Variants in MAST3 observed in about 807,000 individuals in gnomAD.
MAST3 encodes microtubule associated serine/threonine kinase 3.
In MAST3, 43 loss-of-function variants were observed where a neutral mutation model predicts 127.0. The ratio of observed to expected loss-of-function variants is 0.34; its 90% CI spans 0.27 to 0.44. The LOEUF (loss-of-function observed/expected upper bound fraction) is 0.44. Ranked by LOEUF, MAST3 falls within the 20% of genes least tolerant of loss-of-function variation. The pLI, the probability that MAST3 is intolerant of heterozygous loss-of-function variation, is 1.00. For missense variants in MAST3, 1,390 were observed against 1,919.1 expected (o/e 0.72, Z 5.15); for synonymous variants, 785 against 809.2 (o/e 0.97, Z 0.51).
intron 3 of MAST3, among the ~76,000 whole-genome samples, chr19:18,115,691 C>T (rs1050082137): frequency 3.9e-5 from 6 of 152,162 alleles, no homozygotes; most frequent in African/African-American, 9.7e-5. Context: ...TCCCAGACAC[C>T]GTCCCAGACC....
In MAST3 at chr19:18,144,385, C is replaced by T; in HGVS notation, c.2585-81C>T. 1 of 1,209,918 alleles carries T rather than the reference C, an allele frequency of 8.3e-7. No homozygotes were observed. The highest frequency in any genetic ancestry group is 1.2e-6 in the Non-Finnish European group (1 of 850,220). 74.9% of individuals were successfully genotyped at this position (1,209,918 alleles called of 1,614,324 possible). ...GAGGCTGGACTGTGTAAATAGTGAC[C>T]AGGGAGGAAGGGCCTTAAGGTCCCT... is the stretch of plus-strand genomic sequence containing the variant. On this transcript the variant is annotated intron_variant, in intron 22 of 27. Coordinates refer to ENST00000687212, the MANE Select transcript of MAST3 (RefSeq NM_001393504.1). This position sits in a 1 kb window ranked among gnomAD's most constrained non-coding sequence, Gnocchi z 4.0.
chr19:18,138,934 A>T, intron 19 of MAST3, 81 bp from the exon 20 acceptor site: 1 of 938,320 alleles, frequency 1.1e-6, no homozygotes, highest in Non-Finnish European at 1.7e-6. Flanking sequence ...CTATCCTGAG[A>T]TGCCCTCCCC....
chr19:18,137,178 G>C, intron 18 of MAST3, 61 bp from the exon 19 acceptor site: 2 of 1,584,604 alleles, frequency 1.3e-6, no homozygotes, highest in Non-Finnish European at 1.7e-6. Flanking sequence ...AGTGGGGGTA[G>C]GGGGGCATCC....
chr19:18,107,595 G>A lies in MAST3; in HGVS notation c.48G>A (p.Leu16=). ...LLRRRGLQKE[L]SLPRRGRGLS... ...TTTCTGTCTCATTGCAGAAGGAGCT[G>A]AGCCTGCCACGCCGAGGACGTGGGT... Residue 16 remains leucine (L), a synonymous_variant, in exon 2 of 28, where the codon CTG becomes CTA. Coordinates refer to ENST00000687212, the MANE Select transcript of MAST3 (RefSeq NM_001393504.1). 1 of 1,613,326 alleles carries A rather than the reference G, an allele frequency of 6.2e-7. No individual in the cohort carries two copies. Among genetic ancestry groups the A allele is most frequent in the Non-Finnish European group, 8.5e-7 (1 of 1,179,624 alleles).
chr19:18,139,820 T>TTC (rs1296626053), intron 20 of MAST3, among the ~76,000 whole-genome samples: 2 of 149,970 alleles, frequency 1.3e-5, no homozygotes, highest in African/African-American at 2.4e-5. Flanking sequence ...CATTTTTTTT[T>TTC]TTTCTTTTTT....
In MAST3 at chr19:18,128,867, G is replaced by A; in HGVS notation, c.1139G>A (p.Ser380Asn). Reference sequence around the variant, plus strand: ...CCCTAAGCCCTTCCCATCCCCTAGAGCCGCGCCCTGGTCGGCCAGTCACGG... The same window carrying A: ...CCCTAAGCCCTTCCCATCCCCTAGAACCGCGCCCTGGTCGGCCAGTCACGG... ...EQPPAPESPESRALVGQSRRK... is the reference protein window; with the variant it reads ...EQPPAPESPENRALVGQSRRK... The change falls in exon 13 of 28, where the codon AGC becomes AAC. Residue 380 changes from serine to asparagine, a missense_variant and splice_region_variant. Ser to Asn is a conservative substitution (Grantham distance 46, BLOSUM62 1). Around this residue, in one of 5 missense-constraint regions of MAST3, gnomAD observed 277 missense variants for 384.8 expected, o/e 0.72. Coordinates refer to ENST00000687212, the MANE Select transcript of MAST3 (RefSeq NM_001393504.1). 2 of 1,613,092 alleles carry A rather than the reference G, an allele frequency of 1.2e-6. No individual in the cohort carries two copies. The highest frequency in any genetic ancestry group is 1.7e-6 in the Non-Finnish European group (2 of 1,179,754).
At position 18,149,440 on chromosome 19, in the gene MAST3, C is replaced by A. The variant is rs1568621588; in HGVS notation, c.3758C>A (p.Ser1253Tyr). The change falls in exon 28 of 28, where the codon TCC (serine) becomes TAC (tyrosine). Residue 1253 changes from serine to tyrosine, a missense_variant. Physicochemically the swap from Ser to Tyr is moderately radical, Grantham distance 144. Transcript: ENST00000687212. The surrounding 1 kb of genome is among the most constrained non-coding windows in gnomAD (Gnocchi z 5.9). ...LPGHPPAPAR[S>Y]PRLRRGQSAD... ...GGGCACCCGCCCGCACCTGCCCGAT[C>A]CCCGCGGCTGCGCCGGGGCCAGTCA... The A allele has an allele frequency of 2.0e-6, 3 of 1,520,490 alleles. No individual in the cohort carries two copies. Among genetic ancestry groups the A allele is most frequent in the Non-Finnish European group, 2.6e-6 (3 of 1,137,360 alleles). The allele number at this position is 1,520,490 out of a possible 1,614,324, so 94.2% of individuals were successfully genotyped here.
At chr19:18,118,494 C>A (rs558599725) in intron 3 of MAST3, among the ~76,000 whole-genome samples, 1 of 152,110 alleles carries the variant, frequency 6.6e-6, no homozygotes, top group Non-Finnish European at 1.5e-5. Flanking sequence ...TGGTGACAGA[C>A]AGGAGTGAGT....
Position 18,134,875 on chromosome 19 carries a change from AGCCAGTG to A in MAST3, c.1765_1771del (p.Pro589ThrfsTer73). 1 of 1,613,984 alleles carries A rather than the reference AGCCAGTG, an allele frequency of 6.2e-7. No homozygotes were observed. On this transcript the variant is annotated frameshift_variant, in exon 17 of 28. Coordinates refer to ENST00000687212, the MANE Select transcript of MAST3 (RefSeq NM_001393504.1). LOFTEE classifies it high-confidence loss of function. ...GTGATCTTCCGCCAGGGCTATGGGA[AGCCAGTG>A]GACTGGTGGGCCATGGGCGTCGTCC...
chr19:18,101,535 G>A (rs1475595418), intron 1 of MAST3, among the ~76,000 whole-genome samples: 1 of 152,092 alleles, frequency 6.6e-6, no homozygotes, highest in Non-Finnish European at 1.5e-5. Context: ...GGCATGGACT[G>A]GTGTTTTCCA....
chr19:18,149,270 C>A lies in MAST3; in HGVS notation c.3588C>A (p.Pro1196=). 6.4e-7 allele frequency: 1 copy of A among 1,552,624 alleles called. No individual in the cohort carries two copies. The change falls in exon 28 of 28, where the codon CCC becomes CCA. Residue 1196 remains proline (P), a synonymous_variant. Coordinates refer to ENST00000687212, the MANE Select transcript of MAST3 (RefSeq NM_001393504.1). The surrounding 1 kb of genome is among the most constrained non-coding windows in gnomAD (Gnocchi z 5.9). ...ASPAAAGHTR[P]SSLHGLAAKL... Reference sequence around the variant, plus strand: ...CAGCTGCTGCTGGCCACACCCGCCCCAGCTCCCTGCACGGCCTGGCTGCCA... The same window carrying A: ...CAGCTGCTGCTGGCCACACCCGCCCAAGCTCCCTGCACGGCCTGGCTGCCA...
rs1024252094 is a variant in MAST3 at position 18,110,756 on chromosome 19, G to T, written c.161+15G>T. 1.6e-5 allele frequency: 16 copies of T among 981,764 alleles called. No homozygotes were observed. The highest frequency in any genetic ancestry group is 3.5e-5 in the African/African-American group (2 of 57,142). The allele number at this position is 981,764 out of a possible 1,614,324, so 60.8% of individuals were successfully genotyped here. A position where few individuals can be genotyped will look rare whatever the true frequency, so the allele number is the denominator to read the frequency against. ...CACCCCTGGAGGTAAGTGACAGCGCGTGTGGGCGGGGCGCAGACATCGCCC... is the reference window on the plus strand; with the variant it reads ...CACCCCTGGAGGTAAGTGACAGCGCTTGTGGGCGGGGCGCAGACATCGCCC... On this transcript the variant is annotated intron_variant, in intron 3 of 27. Coordinates refer to ENST00000687212, the MANE Select transcript of MAST3 (RefSeq NM_001393504.1). The surrounding 1 kb of genome is among the most constrained non-coding windows in gnomAD (Gnocchi z 4.3).
At chr19:18,118,195 G>A (rs976310236) in intron 3 of MAST3, 2 of 985,332 alleles carry the variant, frequency 2.0e-6, no homozygotes, top group South Asian at 4.7e-5. Context: ...GGACGGCGGT[G>A]GCGGCTCCCG....
At position 18,130,482 on chromosome 19, in the gene MAST3, C is replaced by G. The variant is rs1310055476; in HGVS notation, c.1224-12C>G. Reference sequence around the variant, plus strand: ...ATCTCCGGTCCCAGCAAGCCTGGCCCTCTGTCCCCAGGGCCGTCTACCTGG... The same window carrying G: ...ATCTCCGGTCCCAGCAAGCCTGGCCGTCTGTCCCCAGGGCCGTCTACCTGG... On this transcript the variant is annotated splice_polypyrimidine_tract_variant and intron_variant, in intron 13 of 27. Coordinates refer to ENST00000687212, the MANE Select transcript of MAST3 (RefSeq NM_001393504.1). 3 of 1,583,198 alleles carry G rather than the reference C, an allele frequency of 1.9e-6. No homozygotes were observed. The East Asian group carries it at 6.9e-5, about 36-fold the overall frequency.
intron 19 of MAST3, 119 bp downstream of exon 19, chr19:18,137,480 G>A: frequency 8.7e-7 from 1 of 1,152,684 alleles, no homozygotes; most frequent in Non-Finnish European, 1.2e-6. Flanking sequence ...CTTAGGCCTG[G>A]AGCTTCCGAC....
intron 26 of MAST3, 48 bp from the exon 27 acceptor site, chr19:18,147,395 G>A (rs1274397244): frequency 1.9e-6 from 3 of 1,563,250 alleles, no homozygotes; most frequent in African/African-American, 1.4e-5. Context: ...GAGCCACCAT[G>A]CCTGGCCAGG....
chr19:18,137,179 G>A, intron 18 of MAST3, 60 bp from the exon 19 acceptor site: 4 of 1,587,908 alleles, frequency 2.5e-6, no homozygotes, highest in Non-Finnish European at 3.4e-6. Flanking sequence ...GTGGGGGTAG[G>A]GGGGCATCCT....
At chr19:18,124,840 T>C (rs781017910) in intron 11 of MAST3, 66 bp downstream of exon 11, 83 of 1,517,732 alleles carry the variant, frequency 5.5e-5, no homozygotes, top group Non-Finnish European at 6.5e-5. Flanking sequence ...GCACGGTGGC[T>C]CACACCTTTA....
Position 18,146,991 on chromosome 19 carries a change from G to A in MAST3, c.3273G>A (p.Arg1091=), listed in dbSNP as rs1206360164. 1 of 1,570,066 alleles carries A rather than the reference G, an allele frequency of 6.4e-7. No individual in the cohort carries two copies. The highest frequency in any genetic ancestry group is 8.6e-7 in the Non-Finnish European group (1 of 1,158,010). ...GCCGCATGGCACGCAGGAGCAAGAG[G>A]AGCCGTCGGCGGGAGACCCAGGATC... The part of the protein sequence containing the change: ...AKGRMARRSK[R]SRRRETQDRC... Residue 1091 remains arginine, a synonymous_variant, in exon 26 of 28, where the codon AGG becomes AGA. Transcript: ENST00000687212.
Sources: gnomAD v4.1 joint callset for allele counts (sites outside exome capture counted in the v4.1 genomes callset) on GRCh38, gnomAD v4.1.1 for gene constraint, gnomAD v4.1.1 regional missense constraint, Gnocchi (gnomAD v3.1) non-coding constraint, MANE v1.5 for transcripts, NCBI Gene and HGNC (gene_info 2026-07-23, HGNC 2026-07-21) for gene names.